ZFYVE9: variants seen among roughly 807,000 people sequenced by gnomAD.
ZFYVE9 encodes the protein zinc finger FYVE-type containing 9.
A neutral mutation model predicts 126.7 loss-of-function variants in ZFYVE9; 43 were observed. That is an observed-to-expected ratio of 0.34 (90% CI 0.27 to 0.44). The LOEUF is 0.44. ZFYVE9 is among the 20% of genes least tolerant of loss of function. The pLI is 1.00. For synonymous variants in ZFYVE9, 521 were observed against 597.4 expected (o/e 0.87, Z 1.87); for missense variants, 1,476 against 1,697.0 (o/e 0.87, Z 2.29).
chr1:52,194,215 A>G (rs1644840866), intron 1 of ZFYVE9, among the ~76,000 whole-genome samples: 1 of 152,242 alleles, frequency 6.6e-6, no homozygotes, highest in African/African-American at 2.4e-5. Flanking sequence ...AGATGATGAA[A>G]GAGCGAAGCA....
chr1:52,220,250 T>C (rs781222792), intron 2 of ZFYVE9, among the ~76,000 whole-genome samples: 1 of 152,228 alleles, frequency 6.6e-6, no homozygotes, highest in Non-Finnish European at 1.5e-5. Flanking sequence ...ATATTCCCAT[T>C]TTATTCCTAG....
At chr1:52,167,260 G>T (rs1644522438) in intron 1 of ZFYVE9, among the ~76,000 whole-genome samples, 1 of 152,106 alleles carries the variant, frequency 6.6e-6, no homozygotes, top group Admixed American at 6.6e-5. Flanking sequence ...CATAGGATGT[G>T]CAGTGATCCA....
At chr1:52,277,479 A>AT (rs1188812474) in intron 8 of ZFYVE9, among the ~76,000 whole-genome samples, 11 of 152,218 alleles carry the variant, frequency 7.2e-5, no homozygotes, top group Non-Finnish European at 5.9e-5. Flanking sequence ...AAATTTTGTA[A>AT]TTTTTTATTC....
chr1:52,173,838 C>T (rs1334245937), intron 1 of ZFYVE9, among the ~76,000 whole-genome samples: 5 of 152,134 alleles, frequency 3.3e-5, no homozygotes, highest in South Asian at 2.1e-4. Flanking sequence ...CCTGTGAGAT[C>T]GGTGGTGATA....
At chr1:52,253,891 C>T in intron 4 of ZFYVE9, 1 of 1,142,230 alleles carries the variant, frequency 8.8e-7, no homozygotes, top group South Asian at 1.2e-5. Flanking sequence ...AAGCTATACT[C>T]CAAGCAAGAT....
chr1:52,200,959 G>A (rs1290229392), intron 1 of ZFYVE9, among the ~76,000 whole-genome samples: 3 of 152,102 alleles, frequency 2.0e-5, no homozygotes, highest in Non-Finnish European at 4.4e-5. Flanking sequence ...TAATGTGTTG[G>A]TTATTCTGGG....
At chr1:52,330,940 C>G (rs1364815123) in intron 13 of ZFYVE9, among the ~76,000 whole-genome samples, 3 of 152,156 alleles carry the variant, frequency 2.0e-5, no homozygotes, top group African/African-American at 4.8e-5. Context: ...AATCTTGGCT[C>G]ACTGCAGCCT....
intron 1 of ZFYVE9, among the ~76,000 whole-genome samples, chr1:52,176,219 G>C (rs1337819645): frequency 3.3e-5 from 5 of 152,174 alleles, no homozygotes; most frequent in Non-Finnish European, 5.9e-5. Context: ...CTAACAGATA[G>C]GACCCTCAGC....
chr1:52,307,963 A>T lies in ZFYVE9; in HGVS notation c.3438+4038A>T, dbSNP rs183894186. 3.3e-5 allele frequency among the ~76,000 whole-genome samples: 5 copies of T among 151,986 alleles called. No homozygotes were observed. The East Asian group carries it at 9.8e-4, about 30-fold the overall frequency. On this transcript the variant is annotated intron_variant, in intron 13 of 18. Transcript: ENST00000287727. ...GATACGGGGTTTCACCGTGTTAGCCAGGATGGTCTCGATCTCCTGACCTCG... is the reference window on the plus strand; with the variant it reads ...GATACGGGGTTTCACCGTGTTAGCCTGGATGGTCTCGATCTCCTGACCTCG...
At chr1:52,184,983 A>G (rs1644751650) in intron 1 of ZFYVE9, among the ~76,000 whole-genome samples, 2 of 152,206 alleles carry the variant, frequency 1.3e-5, no homozygotes, top group East Asian at 1.9e-4. Context: ...CTGAGTCTCT[A>G]TCTCTAAGCT....
rs753816065 is a variant in ZFYVE9, at chr1:52,337,944, G to A, written c.3833+10G>A. The A allele has an allele frequency of 1.9e-6, 3 of 1,612,520 alleles. No homozygotes were observed. Among genetic ancestry groups the A allele is most frequent in the Non-Finnish European group, 1.7e-6 (2 of 1,178,958 alleles). On this transcript the variant is annotated intron_variant, in intron 16 of 18. Coordinates refer to ENST00000287727, the MANE Select transcript of ZFYVE9 (RefSeq NM_004799.4). Reference sequence around the variant, plus strand: ...AGAACGTTAGCAAGGGGTAAATGCAGCACATGTCCCCCTTTGTGGCTTTTA... The same window carrying A: ...AGAACGTTAGCAAGGGGTAAATGCAACACATGTCCCCCTTTGTGGCTTTTA...
At chr1:52,228,082 T>A (rs977701368) in intron 2 of ZFYVE9, among the ~76,000 whole-genome samples, 4 of 152,252 alleles carry the variant, frequency 2.6e-5, no homozygotes, top group African/African-American at 9.6e-5. Flanking sequence ...AGAATTTTTT[T>A]ATTTATTTAT....
intron 13 of ZFYVE9, among the ~76,000 whole-genome samples, chr1:52,319,270 G>C (rs987648829): frequency 3.3e-5 from 5 of 152,150 alleles, no homozygotes; most frequent in African/African-American, 1.2e-4. Flanking sequence ...GATTGCAGTA[G>C]TCCCCAAATT....
intron 1 of ZFYVE9, among the ~76,000 whole-genome samples, chr1:52,143,235 C>T (rs1644277780): frequency 6.6e-6 from 1 of 152,260 alleles, no homozygotes; most frequent in South Asian, 2.1e-4. Flanking sequence ...GATTTTAAGT[C>T]CTCTTTAAGT....
At chr1:52,297,242 C>CTTTTTT (rs767708782) in intron 12 of ZFYVE9, among the ~76,000 whole-genome samples, 1 of 134,106 alleles carries the variant, frequency 7.5e-6, no homozygotes. Flanking sequence ...AAAAACATTT[C>CTTTTTT]TTTTTTTTTT....
In ZFYVE9 at chr1:52,241,462, G is replaced by A. The variant is rs184913059; in HGVS notation, c.2178+1867G>A. The stretch of plus-strand genomic sequence containing the variant: ...TATGTTGTTCTGTATTTTGCTTACT[G>A]TAACACTTTCTGAAGTGTTTGCTTT... On this transcript the variant is annotated intron_variant, in intron 4 of 18. Coordinates refer to ENST00000287727, the MANE Select transcript of ZFYVE9 (RefSeq NM_004799.4). Among the ~76,000 whole-genome samples, 8 of 152,248 alleles carry A rather than the reference G, an allele frequency of 5.3e-5. No individual in the cohort carries two copies. The East Asian group carries it at 1.5e-3, about 29-fold the overall frequency.
chr1:52,195,926 G>A (rs532393354), intron 1 of ZFYVE9, among the ~76,000 whole-genome samples: 215 of 152,054 alleles, frequency 1.4e-3, no homozygotes, highest in African/African-American at 5.0e-3. Context: ...CCGAGTAGCC[G>A]GGACTATAGG....
In ZFYVE9 at chr1:52,153,367, C is replaced by T. The variant is rs1369755098; in HGVS notation, c.-143+10964C>T. ...GTCTCAGAGCCACAAAGTTCTAGAG[C>T]CATCTCCACTATGTAGTCTAAATTG... is the stretch of plus-strand genomic sequence containing the variant. On this transcript the variant is annotated intron_variant, in intron 1 of 18. Coordinates refer to ENST00000287727, the MANE Select transcript of ZFYVE9 (RefSeq NM_004799.4). Among the ~76,000 whole-genome samples the T allele has an allele frequency of 2.0e-5, 3 of 152,174 alleles. No homozygotes were observed. The East Asian group carries it at 5.8e-4, about 29-fold the overall frequency.
chr1:52,334,416 C>A (rs947083041), intron 14 of ZFYVE9, among the ~76,000 whole-genome samples: 2 of 152,166 alleles, frequency 1.3e-5, no homozygotes, highest in African/African-American at 4.8e-5. Flanking sequence ...CTGACCTCAA[C>A]CATTAAGATT....
Sources: allele counts gnomAD v4.1 joint callset (sites outside exome capture counted in the v4.1 genomes callset), GRCh38; gene constraint gnomAD v4.1.1; transcripts MANE v1.5; gene names NCBI Gene and HGNC (gene_info 2026-07-23, HGNC 2026-07-21).